FLVCR1: variants seen among roughly 807,000 people sequenced by gnomAD.
FLVCR1 encodes the protein choline/ethanolamine transporter FLVCR1.
In FLVCR1, 34 loss-of-function variants were observed where a neutral mutation model predicts 53.6. That is an observed-to-expected ratio of 0.63 (90% CI 0.48 to 0.84). The LOEUF (loss-of-function observed/expected upper bound fraction) is 0.84, where lower values mean the gene tolerates loss of function less well. FLVCR1 is among the 40% of genes least tolerant of loss of function. FLVCR1 has a pLI of 0.00. For missense variants in FLVCR1, 677 were observed against 696.7 expected, an observed-to-expected ratio of 0.97 and a Z score of 0.32; for synonymous variants, 300 against 286.3, an observed-to-expected ratio of 1.05 and a Z score of -0.48.
rs186535548 is a variant in FLVCR1, at chr1:212,879,359, A to C, written c.1025-4012A>C. Among the ~76,000 whole-genome samples, 10 of 152,206 alleles carry C rather than the reference A, an allele frequency of 6.6e-5. No homozygotes were observed. In the East Asian group the frequency reaches 1.7e-3, roughly 26 times the overall value. ...AATGTTTGCGTGAGGGTCACAGCAT[A>C]CCTTTTAGACATGTCCCTGTCCCCC... On this transcript the variant is annotated intron_variant, in intron 3 of 9. Coordinates refer to ENST00000366971, the MANE Select transcript of FLVCR1 (RefSeq NM_014053.4).
intron 5 of FLVCR1, among the ~76,000 whole-genome samples, chr1:212,887,096 C>T (rs193234515): frequency 1.3e-4 from 20 of 152,312 alleles, no homozygotes; most frequent in South Asian, 4.1e-4. Context: ...TTAGTCTAAA[C>T]GCTACCAAAA....
chr1:212,883,941 C>T (rs1664990918), intron 4 of FLVCR1, among the ~76,000 whole-genome samples: 1 of 151,340 alleles, frequency 6.6e-6, no homozygotes, highest in South Asian at 2.1e-4. Context: ...GTCTGTTGGG[C>T]CTACTGTGGG....
At chr1:212,887,522 T>G (rs1450828186) in intron 5 of FLVCR1, among the ~76,000 whole-genome samples, 2 of 152,190 alleles carry the variant, frequency 1.3e-5, no homozygotes, top group Non-Finnish European at 2.9e-5. Flanking sequence ...GCCAGTATGA[T>G]AAGGGAATTT....
intron 3 of FLVCR1, among the ~76,000 whole-genome samples, chr1:212,876,785 GC>G (rs1234264718): frequency 6.6e-6 from 1 of 152,182 alleles, no homozygotes; most frequent in South Asian, 2.1e-4. Flanking sequence ...TGTGAAGAGT[GC>G]TGCAGTGAAC....
chr1:212,881,082 A>G (rs946530465), intron 3 of FLVCR1, among the ~76,000 whole-genome samples: 4 of 152,178 alleles, frequency 2.6e-5, no homozygotes, highest in African/African-American at 9.7e-5. Context: ...CATTATACAT[A>G]TAGGAAAACT....
chr1:212,885,197 A>G, intron 4 of FLVCR1, 96 bp from the exon 5 acceptor site: 4 of 887,410 alleles, frequency 4.5e-6, no homozygotes, highest in Non-Finnish European at 3.8e-6. Flanking sequence ...GTTTTATCTA[A>G]TTATTTTCAT....
At chr1:212,861,634 T>C (rs1332542143) in intron 1 of FLVCR1, among the ~76,000 whole-genome samples, 1 of 152,022 alleles carries the variant, frequency 6.6e-6, no homozygotes, top group Non-Finnish European at 1.5e-5. Context: ...TTACCAGTTA[T>C]ATTCTTTCTA....
In FLVCR1 at chr1:212,877,415, G is replaced by GT. The variant is rs372240791; in HGVS notation, c.1024+4598dup. Among the ~76,000 whole-genome samples, 1,149 of 152,062 alleles carry GT rather than the reference G, an allele frequency of 7.6e-3. 20 individuals carry two copies. Among genetic ancestry groups the GT allele is most frequent in the African/African-American group, 0.026 (1,072 of 41,494 alleles). On this transcript the variant is annotated intron_variant, in intron 3 of 9. Transcript: ENST00000366971. ...TTTTTAGTAGAGACGGGGTTTCACC[G>GT]TGTTAGCCAGGATGGTCTCGATGTC...
intron 2 of FLVCR1, among the ~76,000 whole-genome samples, chr1:212,869,256 T>G (rs1664531379): frequency 6.6e-6 from 1 of 152,216 alleles, no homozygotes; most frequent in Non-Finnish European, 1.5e-5. Context: ...TGCAAATTTT[T>G]GGTTGGGAGA....
chr1:212,887,771 G>C (rs1416743083), intron 5 of FLVCR1, 120 bp from the exon 6 acceptor site: 1 of 627,212 alleles, frequency 1.6e-6, no homozygotes, highest in Non-Finnish European at 2.9e-6. Context: ...ATATTTCCAT[G>C]GACAAGAAGG....
rs267606821 is a variant in FLVCR1 at position 212,859,026 on chromosome 1, T to C, written c.574T>C (p.Cys192Arg). 17 of 1,612,070 alleles carry C rather than the reference T, an allele frequency of 1.1e-5. No individual in the cohort carries two copies. Among genetic ancestry groups the C allele is most frequent in the Admixed American group, 1.7e-5 (1 of 59,960 alleles). The change falls in exon 1 of 10, where the codon TGC becomes CGC. Residue 192 changes from cysteine to arginine, a missense_variant. Cys to Arg is a radical substitution (Grantham distance 180). Coordinates refer to ENST00000366971, the MANE Select transcript of FLVCR1 (RefSeq NM_014053.4). ...CAACTGCCTGGGTGCCTGGATCAAG[T>C]GCGGCAGTGTGCAGCAGCATCTCTT... is the stretch of plus-strand genomic sequence containing the variant. The part of the protein sequence containing the change: ...GLNCLGAWIK[C>R]GSVQQHLFWV...
In FLVCR1 at chr1:212,889,327, A is replaced by G. The variant is rs1572027851; in HGVS notation, c.1525+70A>G. On this transcript the variant is annotated intron_variant, in intron 8 of 9. Transcript: ENST00000366971. Reference sequence around the variant, plus strand: ...TAATTTTCATATATATTGCTTCTCAATAGCTTGACAGAACTCAAGGGGAAA... The same window carrying G: ...TAATTTTCATATATATTGCTTCTCAGTAGCTTGACAGAACTCAAGGGGAAA... The G allele has an allele frequency of 1.0e-5, 10 of 953,790 alleles. No individual in the cohort carries two copies. The East Asian group carries it at 2.4e-4, about 23-fold the overall frequency. The allele number at this position is 953,790 out of a possible 1,614,324, so 59.1% of individuals were successfully genotyped here. A position where few individuals can be genotyped will look rare whatever the true frequency, so the allele number is the denominator to read the frequency against.
chr1:212,859,204 T>C lies in FLVCR1; in HGVS notation c.738+14T>C. The C allele has an allele frequency of 6.2e-7, 1 of 1,613,520 alleles. No homozygotes were observed. The highest frequency in any genetic ancestry group is 8.5e-7 in the Non-Finnish European group (1 of 1,179,930). On this transcript the variant is annotated intron_variant, in intron 1 of 9. Coordinates refer to ENST00000366971, the MANE Select transcript of FLVCR1 (RefSeq NM_014053.4). ...CTGGGCAATCAGGTAAGTACTGGAG[T>C]GGTAGGTGAAAGTCAGATCCTTAAA...
At chr1:212,873,359 A>G (rs1278873977) in intron 3 of FLVCR1, among the ~76,000 whole-genome samples, 1 of 152,100 alleles carries the variant, frequency 6.6e-6, no homozygotes, top group Non-Finnish European at 1.5e-5. Flanking sequence ...AAATACAGAA[A>G]CTCGGTCTTC....
At chr1:212,891,517 C>T (rs1665193769) in intron 8 of FLVCR1, among the ~76,000 whole-genome samples, 1 of 151,992 alleles carries the variant, frequency 6.6e-6, no homozygotes, top group Non-Finnish European at 1.5e-5. Context: ...ATTACTTTTA[C>T]AAGAGATTCA....
chr1:212,858,536 C>T lies in FLVCR1; in HGVS notation c.84C>T (p.Gly28=), dbSNP rs1360359949. The T allele has an allele frequency of 6.8e-7, 1 of 1,462,462 alleles. No homozygotes were observed. Among genetic ancestry groups the T allele is most frequent in the Non-Finnish European group, 9.0e-7 (1 of 1,109,222 alleles). 90.6% of individuals were successfully genotyped at this position (1,462,462 alleles called of 1,614,324 possible). ...AAGGATACCTCCCGTTGCCGAGGGGCGCGCCCGTTGGGAAGGAGAGCGTGG... is the reference window on the plus strand; with the variant it reads ...AAGGATACCTCCCGTTGCCGAGGGGTGCGCCCGTTGGGAAGGAGAGCGTGG... ...LAKGYLPLPR[G]APVGKESVEL... is the part of the protein sequence containing the mutation. The change falls in exon 1 of 10, where the codon GGC becomes GGT. Residue 28 remains glycine, a synonymous_variant. Transcript: ENST00000366971.
chr1:212,869,829 G>A (rs781489557), intron 2 of FLVCR1, among the ~76,000 whole-genome samples: 13 of 152,248 alleles, frequency 8.5e-5, no homozygotes, highest in African/African-American at 1.4e-4. Context: ...GAGCCTCTGC[G>A]CCCAGCCAGA....
At chr1:212,868,583 AT>A (rs1664511856) in intron 2 of FLVCR1, among the ~76,000 whole-genome samples, 1 of 151,788 alleles carries the variant, frequency 6.6e-6, no homozygotes, top group Admixed American at 6.6e-5. Flanking sequence ...CTAATTTTGT[AT>A]TTTTAGTAGA....
chr1:212,882,398 A>G (rs1664954262), intron 3 of FLVCR1, among the ~76,000 whole-genome samples: 1 of 152,204 alleles, frequency 6.6e-6, no homozygotes, highest in South Asian at 2.1e-4. Flanking sequence ...GGATACAAAT[A>G]ATATTTATAT....
Sources: gnomAD v4.1 joint callset for allele counts (sites outside exome capture counted in the v4.1 genomes callset) on GRCh38, gnomAD v4.1.1 for gene constraint, MANE v1.5 for transcripts, NCBI Gene and HGNC (gene_info 2026-07-23, HGNC 2026-07-21) for gene names.